Variants in SCN8A observed in about 807,000 individuals in gnomAD.
The protein encoded by SCN8A is sodium channel protein type 8 subunit alpha.
In SCN8A, 30 loss-of-function variants were observed where a neutral mutation model predicts 184.1. The ratio of observed to expected loss-of-function variants is 0.16; its 90% confidence interval spans 0.12 to 0.22. The LOEUF (loss-of-function observed/expected upper bound fraction) is 0.22. Among genes scored for constraint, SCN8A ranks in the 10% least tolerant of loss-of-function variants. SCN8A has a pLI of 1.00. For synonymous variants in SCN8A, 852 were observed against 907.0 expected, an observed-to-expected ratio of 0.94 and a Z score of 1.09; for missense variants, 1,057 against 2,498.9, an observed-to-expected ratio of 0.42 and a Z score of 12.30.
chr12:51,794,640 G>T lies in SCN8A; in HGVS notation c.4794G>T (p.Val1598=). The T allele has an allele frequency of 6.2e-7, 1 of 1,613,490 alleles. No individual in the cohort carries two copies. Among genetic ancestry groups the T allele is most frequent in the African/African-American group, 1.3e-5 (1 of 75,030 alleles). ...TCGTGGTAGTCATCCTCTCCATTGT[G>T]GGTGAGTGGGGTTGGGGAAGTAGGC... ...FDFVVVILSI[V]GMFLADIIEK... Residue 1598 remains valine (V), a splice_region_variant and synonymous_variant, in exon 26 of 27, where the codon GTG becomes GTT. Transcript: ENST00000627620.
At chr12:51,745,262 A>G (rs1443582563) in intron 12 of SCN8A, among the ~76,000 whole-genome samples, 1 of 152,236 alleles carries the variant, frequency 6.6e-6, no homozygotes, top group Non-Finnish European at 1.5e-5. Context: ...AGGGCAAGAT[A>G]AACATAGGAT....
intron 1 of SCN8A, among the ~76,000 whole-genome samples, chr12:51,660,810 A>G (rs1001547260): frequency 1.3e-5 from 2 of 152,196 alleles, no homozygotes; most frequent in Non-Finnish European, 2.9e-5. Context: ...AGCTAAGGTC[A>G]TGGTGGAGTG....
chr12:51,630,044 T>G (rs754120304), intron 1 of SCN8A, among the ~76,000 whole-genome samples: 20 of 152,220 alleles, frequency 1.3e-4, no homozygotes, highest in Non-Finnish European at 2.4e-4. Context: ...TTCCTAGTTT[T>G]GACCTGGCCA....
chr12:51,649,332 C>T lies in SCN8A; in HGVS notation c.-54-13432C>T, dbSNP rs565953172. Among the ~76,000 whole-genome samples the T allele has an allele frequency of 5.9e-5, 9 of 152,296 alleles. No individual in the cohort carries two copies. The South Asian group carries it at 6.2e-4, about 11-fold the overall frequency. ...ATCTACCATTCTGGGGTCTGGAGGA[C>T]GGTGGCCCTCTTCTCACAGCTCCAC... On this transcript the variant is annotated intron_variant, in intron 1 of 26. Transcript: ENST00000627620.
intron 1 of SCN8A, among the ~76,000 whole-genome samples, chr12:51,615,388 C>G (rs1939813502): frequency 6.6e-6 from 1 of 152,094 alleles, no homozygotes. Context: ...AACCCTATCC[C>G]TACAAAAAAT....
At chr12:51,723,088 C>G (rs1179536454) in intron 12 of SCN8A, 1 of 152,162 alleles carries the variant, frequency 6.6e-6, no homozygotes, top group Non-Finnish European at 1.5e-5. Context: ...TGGAGGAAAA[C>G]TGGACAATCA....
chr12:51,767,682 G>A (rs1942859444), intron 16 of SCN8A, among the ~76,000 whole-genome samples: 1 of 152,210 alleles, frequency 6.6e-6, no homozygotes, highest in Non-Finnish European at 1.5e-5. Context: ...TATCTTTAGA[G>A]TAGGCTAAGG....
chr12:51,728,313 A>C (rs143330894), intron 12 of SCN8A, among the ~76,000 whole-genome samples: 4 of 152,296 alleles, frequency 2.6e-5, no homozygotes, highest in Middle Eastern at 3.4e-3. Flanking sequence ...CTGCCCAAGA[A>C]ACCATCCCCC....
chr12:51,635,653 C>T (rs1213654676), intron 1 of SCN8A, among the ~76,000 whole-genome samples: 1 of 151,838 alleles, frequency 6.6e-6, no homozygotes, highest in African/African-American at 2.4e-5. Flanking sequence ...AAGTGAAAAG[C>T]CAGAGCTTTA....
intron 18 of SCN8A, 163 bp from the exon 19 acceptor site, chr12:51,770,366 C>A: frequency 1.3e-6 from 1 of 790,466 alleles, no homozygotes; most frequent in Non-Finnish European, 2.0e-6. Context: ...ATAGCCCCAG[C>A]CCTGCCACCC....
chr12:51,783,274 A>G (rs901076896), intron 21 of SCN8A, among the ~76,000 whole-genome samples: 4 of 151,978 alleles, frequency 2.6e-5, no homozygotes, highest in African/African-American at 9.7e-5. Flanking sequence ...TTAGGTACAC[A>G]TGTTTTATTT....
At position 51,769,029 on chromosome 12, in the gene SCN8A, C is replaced by G. The variant is rs745625838; in HGVS notation, c.3066C>G (p.His1022Gln). ...AGGTGCACGCCTTCATGCAGGCCCA[C>G]TTTAAGCAGCGTGAGGCTGATGAGG... ...KLKVHAFMQA[H>Q]FKQREADEVK... The change falls in exon 17 of 27, where the codon CAC (histidine) becomes CAG (glutamine). Residue 1022 changes from histidine (H) to glutamine (Q), a missense_variant. By Grantham distance (24) the His-to-Gln change is conservative. This residue lies in a region of SCN8A where 178 missense variants were observed against 259.6 expected (regional missense o/e 0.69). Coordinates refer to ENST00000627620, the MANE Select transcript of SCN8A (RefSeq NM_001330260.2). 6.2e-7 allele frequency: 1 copy of G among 1,613,996 alleles called. No homozygotes were observed. The highest frequency in any genetic ancestry group is 1.1e-5 in the South Asian group (1 of 91,074).
intron 1 of SCN8A, among the ~76,000 whole-genome samples, chr12:51,597,146 T>A (rs1939365595): frequency 6.6e-6 from 1 of 152,116 alleles, no homozygotes; most frequent in Non-Finnish European, 1.5e-5. Context: ...AGCCTGAGGG[T>A]CTAAGAGGTA....
At chr12:51,772,676 C>A (rs968746209) in intron 19 of SCN8A, among the ~76,000 whole-genome samples, 2 of 151,920 alleles carry the variant, frequency 1.3e-5, no homozygotes, top group African/African-American at 2.4e-5. Flanking sequence ...CCTGTCCCCC[C>A]CACTGCCTGT....
intron 11 of SCN8A, among the ~76,000 whole-genome samples, chr12:51,721,218 C>T (rs961071715): frequency 6.7e-6 from 1 of 149,930 alleles, no homozygotes; most frequent in African/African-American, 2.5e-5. Flanking sequence ...AAGACACCTC[C>T]TCTGAGCCCA....
intron 16 of SCN8A, chr12:51,766,309 C>T: frequency 2.1e-6 from 1 of 483,744 alleles, no homozygotes; most frequent in East Asian, 3.8e-5. Context: ...AAATATAGGG[C>T]TTGTATTTGA....
At chr12:51,599,385 A>G (rs1382673973) in intron 1 of SCN8A, among the ~76,000 whole-genome samples, 1 of 152,170 alleles carries the variant, frequency 6.6e-6, no homozygotes, top group Non-Finnish European at 1.5e-5. Flanking sequence ...ATGATTAGAG[A>G]CAGGTTGATG....
chr12:51,781,660 G>A (rs747868100), intron 21 of SCN8A, among the ~76,000 whole-genome samples: 1 of 151,798 alleles, frequency 6.6e-6, no homozygotes, highest in African/African-American at 2.4e-5. Flanking sequence ...GCGCACGCAC[G>A]CGCACACACA....
rs552298942 is a variant in SCN8A at position 51,591,954 on chromosome 12, G to T, written c.-55+595G>T. ...GTCCCCCTCCCAACAGGGTGCTCTGGAGTTGTGATGGGGGCTCCCGGGACC... is the reference window on the plus strand; with the variant it reads ...GTCCCCCTCCCAACAGGGTGCTCTGTAGTTGTGATGGGGGCTCCCGGGACC... On this transcript the variant is annotated intron_variant, in intron 1 of 26. Transcript: ENST00000627620. 3.9e-4 allele frequency among the ~76,000 whole-genome samples: 59 copies of T among 149,504 alleles called. 1 individual carries two copies. Among genetic ancestry groups the T allele is most frequent in the Admixed American group, 3.5e-3 (53 of 15,070 alleles).
Sources: gnomAD v4.1 joint callset for allele counts (sites outside exome capture counted in the v4.1 genomes callset) on GRCh38, gnomAD v4.1.1 for gene constraint, gnomAD v4.1.1 regional missense constraint, MANE v1.5 for transcripts, NCBI Gene and HGNC (gene_info 2026-07-23, HGNC 2026-07-21) for gene names.